Variants in ENTPD5 observed in about 807,000 individuals in gnomAD.
ENTPD5 encodes the protein nucleoside diphosphate phosphatase ENTPD5.
Under a neutral mutation model 60.2 loss-of-function variants are expected in ENTPD5, and 49 were observed. The ratio of observed to expected loss-of-function variants is 0.81; its 90% confidence interval spans 0.65 to 1.03. The LOEUF (loss-of-function observed/expected upper bound fraction) is 1.03. Ranked by LOEUF, ENTPD5 falls within the 50% of genes least tolerant of loss-of-function variation. The pLI, the probability that ENTPD5 is intolerant of heterozygous loss-of-function variation, is 0.00. For synonymous variants in ENTPD5, 187 were observed against 185.4 expected, an observed-to-expected ratio of 1.01 and a Z score of -0.07; for missense variants, 480 against 507.6, an observed-to-expected ratio of 0.95 and a Z score of 0.52.
chr14:73,960,041 C>T, downstream of ENTPD5: 2 of 1,005,576 alleles, frequency 2.0e-6, no homozygotes, highest in Non-Finnish European at 2.4e-6. Flanking sequence ...GTTAGGCTGA[C>T]TGAAACAGCT....
chr14:74,011,746 C>T (rs1352407908), intron 2 of ENTPD5, among the ~76,000 whole-genome samples: 1 of 151,994 alleles, frequency 6.6e-6, no homozygotes, highest in Non-Finnish European at 1.5e-5. Flanking sequence ...TGCAGTGAGC[C>T]GAGATGTGAG....
chr14:73,998,079 A>G (rs1201137163), intron 3 of ENTPD5, among the ~76,000 whole-genome samples: 1 of 152,108 alleles, frequency 6.6e-6, no homozygotes, highest in Non-Finnish European at 1.5e-5. Flanking sequence ...CCAACTCAGT[A>G]TGCCATTGGA....
intron 3 of ENTPD5, among the ~76,000 whole-genome samples, chr14:74,004,228 C>T (rs780738287): frequency 2.6e-5 from 4 of 151,996 alleles, no homozygotes; most frequent in African/African-American, 4.8e-5. Context: ...AGTGCAGTGG[C>T]GTGATCTTGG....
chr14:73,987,356 A>T (rs1172342969), intron 4 of ENTPD5, among the ~76,000 whole-genome samples: 1 of 152,194 alleles, frequency 6.6e-6, no homozygotes, highest in East Asian at 1.9e-4. Context: ...CAGACTACAG[A>T]CAGCCCAGCT....
chr14:73,960,001 A>C, downstream of ENTPD5: 3 of 1,033,596 alleles, frequency 2.9e-6, no homozygotes, highest in Non-Finnish European at 3.5e-6. Context: ...GAAATAATAA[A>C]TAATAACCTT....
chr14:73,979,357 T>G (rs1165809890), intron 6 of ENTPD5, among the ~76,000 whole-genome samples: 2 of 152,180 alleles, frequency 1.3e-5, no homozygotes, highest in African/African-American at 4.8e-5. Flanking sequence ...ATGTTTATTT[T>G]CTGTCTTCCT....
At chr14:73,996,027 C>T (rs2058330749) in intron 3 of ENTPD5, 1 of 463,186 alleles carries the variant, frequency 2.2e-6, no homozygotes. Context: ...GAACGTCACA[C>T]TCTGGCTTCC....
intron 3 of ENTPD5, among the ~76,000 whole-genome samples, chr14:73,998,828 G>A (rs1257710102): frequency 2.6e-5 from 4 of 152,226 alleles, no homozygotes; most frequent in South Asian, 4.1e-4. Context: ...ACAGTGAATG[G>A]ATCAGTTTGA....
intron 15 of ENTPD5, 127 bp downstream of exon 15, chr14:73,969,883 T>C (rs899157235): frequency 1.5e-6 from 1 of 672,664 alleles, no homozygotes; most frequent in Admixed American, 2.3e-5. Context: ...CAGTACCTTG[T>C]CCATAGCCCA....
At position 73,986,831 on chromosome 14, in the gene ENTPD5, C is replaced by T. The variant is rs2057920538; in HGVS notation, c.280G>A (p.Val94Ile). 1.2e-6 allele frequency: 2 copies of T among 1,613,870 alleles called. No individual in the cohort carries two copies. The highest frequency in any genetic ancestry group is 1.3e-5 in the African/African-American group (1 of 74,908). The change falls in exon 5 of 16, where the codon GTA becomes ATA. Residue 94 changes from valine (V) to isoleucine (I), a missense_variant. Physicochemically the swap from Val to Ile is conservative, Grantham distance 29 (BLOSUM62 3). Coordinates refer to ENST00000334696, the MANE Select transcript of ENTPD5 (RefSeq NM_001249.5). ...DSVKPGLSAF[V>I]DQPKQGAETV... The stretch of plus-strand genomic sequence containing the variant: ...AAACTCACCTGCTTAGGTTGATCTA[C>T]AAAAGCAGAAAGTCCTGGCTTCACA...
At chr14:73,993,921 CA>C (rs144253560) in intron 3 of ENTPD5, among the ~76,000 whole-genome samples, 10,026 of 93,318 alleles carry the variant, frequency 0.11, 570 homozygotes, top group East Asian at 0.36. Flanking sequence ...CACGAAAAAA[CA>C]AACAAAAAAA....
intron 12 of ENTPD5, among the ~76,000 whole-genome samples, chr14:73,973,309 G>A (rs575421426): frequency 1.3e-5 from 2 of 152,344 alleles, no homozygotes; most frequent in South Asian, 4.1e-4. Context: ...TTGTAAGCAA[G>A]TAGCTAAAGG....
intron 6 of ENTPD5, among the ~76,000 whole-genome samples, chr14:73,979,601 A>C (rs2057589550): frequency 6.6e-6 from 1 of 151,588 alleles, no homozygotes; most frequent in Non-Finnish European, 1.5e-5. Context: ...CCTCCCGAGT[A>C]GCTGGGACTA....
downstream of ENTPD5, chr14:73,956,143 T>TGAA (rs1216774746): frequency 2.0e-6 from 1 of 493,870 alleles, no homozygotes; most frequent in Admixed American, 2.9e-5. Context: ...GCTAACATGG[T>TGAA]GAAACCCTGT....
intron 3 of ENTPD5, among the ~76,000 whole-genome samples, chr14:73,991,105 C>T (rs1211320881): frequency 6.6e-6 from 1 of 152,172 alleles, no homozygotes; most frequent in Non-Finnish European, 1.5e-5. Flanking sequence ...AGTTGCTTTA[C>T]TAGCAACTTT....
intron 13 of ENTPD5, among the ~76,000 whole-genome samples, chr14:73,972,204 TCGTC>T (rs1414546258): frequency 6.6e-6 from 1 of 150,992 alleles, no homozygotes; most frequent in African/African-American, 2.4e-5. Flanking sequence ...TGGTGAAACC[TCGTC>T]TCTATTAAAA....
chr14:73,998,445 C>A (rs1346186024), intron 3 of ENTPD5, among the ~76,000 whole-genome samples: 1 of 152,106 alleles, frequency 6.6e-6, no homozygotes, highest in African/African-American at 2.4e-5. Context: ...CGTTTGTCCC[C>A]TTCATTCAAC....
intron 6 of ENTPD5, among the ~76,000 whole-genome samples, chr14:73,977,808 T>A (rs1408025573): frequency 6.6e-6 from 1 of 152,212 alleles, no homozygotes; most frequent in African/African-American, 2.4e-5. Flanking sequence ...ACCTAAGGGC[T>A]GAGGTACTCT....
At chr14:74,013,421 A>G (rs1463831208) in intron 2 of ENTPD5, among the ~76,000 whole-genome samples, 3 of 152,216 alleles carry the variant, frequency 2.0e-5, no homozygotes, top group Non-Finnish European at 4.4e-5. Flanking sequence ...GGCCGCATGT[A>G]GCCCAGGATG....
Sources: gnomAD v4.1 joint callset for allele counts (sites outside exome capture counted in the v4.1 genomes callset) on GRCh38, gnomAD v4.1.1 for gene constraint, MANE v1.5 for transcripts, NCBI Gene and HGNC (gene_info 2026-07-23, HGNC 2026-07-21) for gene names.